CDK14: variants seen among roughly 807,000 people sequenced by gnomAD.
The protein encoded by CDK14 is cyclin dependent kinase 14.
In CDK14, 34 loss-of-function variants were observed where a neutral mutation model predicts 60.7. The observed-to-expected ratio is 0.56, with a 90% CI of 0.43 to 0.75. CDK14 has a LOEUF of 0.75. Ranked by LOEUF, CDK14 falls within the 30% of genes least tolerant of loss-of-function variation. The pLI is 0.00. For synonymous variants in CDK14, 197 were observed against 203.7 expected, an observed-to-expected ratio of 0.97 and a Z score of 0.28; for missense variants, 482 against 564.1, an observed-to-expected ratio of 0.85 and a Z score of 1.47.
chr7:91,078,217 G>A (rs1798379922), intron 11 of CDK14, among the ~76,000 whole-genome samples: 1 of 152,202 alleles, frequency 6.6e-6, no homozygotes, highest in African/African-American at 2.4e-5. Context: ...GTTTGTAAGG[G>A]AAAAGAAATT....
intron 4 of CDK14, among the ~76,000 whole-genome samples, chr7:90,753,414 A>C (rs1047717258): frequency 6.6e-6 from 1 of 152,180 alleles, no homozygotes; most frequent in Admixed American, 6.5e-5. Context: ...GATTTGCAAA[A>C]AGGCTTTGAT....
chr7:90,719,916 G>GT (rs1802384575), intron 2 of CDK14, among the ~76,000 whole-genome samples: 1 of 152,152 alleles, frequency 6.6e-6, no homozygotes, highest in Non-Finnish European at 1.5e-5. Flanking sequence ...ACACGATACT[G>GT]ATAGCATAGC....
intron 5 of CDK14, among the ~76,000 whole-genome samples, chr7:90,832,852 G>A (rs1057382313): frequency 6.6e-6 from 1 of 152,232 alleles, no homozygotes; most frequent in African/African-American, 2.4e-5. Context: ...ACTCAGTGTA[G>A]TGGGTTACAA....
intron 12 of CDK14, among the ~76,000 whole-genome samples, chr7:91,102,382 C>T (rs1334370374): frequency 6.6e-6 from 1 of 152,132 alleles, no homozygotes; most frequent in Non-Finnish European, 1.5e-5. Context: ...TTTTTCTTCC[C>T]ATTTAAGCTT....
chr7:90,993,523 G>A (rs1721754579), intron 10 of CDK14, among the ~76,000 whole-genome samples: 1 of 151,930 alleles, frequency 6.6e-6, no homozygotes. Flanking sequence ...AAAGAAGAAG[G>A]GGAAGGAAGG....
intron 5 of CDK14, among the ~76,000 whole-genome samples, chr7:90,848,224 C>T (rs1340958956): frequency 1.3e-5 from 2 of 152,166 alleles, no homozygotes; most frequent in Non-Finnish European, 2.9e-5. Flanking sequence ...ACCTCAGCCT[C>T]CCAAATAGCT....
intron 5 of CDK14, among the ~76,000 whole-genome samples, chr7:90,827,245 A>G (rs1789757164): frequency 1.3e-5 from 2 of 152,160 alleles, no homozygotes; most frequent in African/African-American, 4.8e-5. Flanking sequence ...AGCAATTTGC[A>G]TTTAAAGTTC....
intron 2 of CDK14, among the ~76,000 whole-genome samples, chr7:90,608,728 G>T (rs1799472643): frequency 6.6e-6 from 1 of 152,104 alleles, no homozygotes; most frequent in Non-Finnish European, 1.5e-5. Context: ...TCTCTGCTTT[G>T]GTGAGTTATT....
chr7:90,848,089 G>C (rs971658789), intron 5 of CDK14, among the ~76,000 whole-genome samples: 1 of 151,966 alleles, frequency 6.6e-6, no homozygotes, highest in Non-Finnish European at 1.5e-5. Context: ...GGTCTGTCAA[G>C]GCATAAGCAT....
At chr7:90,927,798 T>C (rs1306032841) in intron 8 of CDK14, among the ~76,000 whole-genome samples, 3 of 152,200 alleles carry the variant, frequency 2.0e-5, no homozygotes, top group Non-Finnish European at 4.4e-5. Context: ...GTTAATATCC[T>C]GCAGATTGTT....
In CDK14 at chr7:90,703,019, G is replaced by GT. The variant is rs11439141; in HGVS notation, c.124-23538dup. On this transcript the variant is annotated intron_variant, in intron 2 of 14. Coordinates refer to ENST00000380050, the MANE Select transcript of CDK14 (RefSeq NM_001287135.2). ...TGTTTTCTGTTGTTGTTGTTGTTTT[G>GT]TTTTTTTTTTCCTTTTCAGAGTTTA... Among the ~76,000 whole-genome samples the GT allele has an allele frequency of 1.7e-3, 245 of 147,104 alleles. 3 individuals are homozygous for GT. The Middle Eastern group carries it at 0.021, about 12-fold the overall frequency.
chr7:91,174,204 C>T (rs1301143156), intron 14 of CDK14, among the ~76,000 whole-genome samples: 24 of 151,974 alleles, frequency 1.6e-4, no homozygotes, highest in African/African-American at 3.4e-4. Context: ...CACACTGACA[C>T]CTCACACGGC....
At chr7:90,988,428 A>G (rs534413196) in intron 10 of CDK14, among the ~76,000 whole-genome samples, 41 of 152,310 alleles carry the variant, frequency 2.7e-4, no homozygotes, top group African/African-American at 8.2e-4. Flanking sequence ...CTCTGCTCTT[A>G]GGTGGAAAGA....
intron 11 of CDK14, among the ~76,000 whole-genome samples, chr7:91,053,067 A>AGG (rs1797437582): frequency 6.6e-6 from 1 of 152,174 alleles, no homozygotes; most frequent in Non-Finnish European, 1.5e-5. Context: ...CCCAAAACCA[A>AGG]ACAGGTCCAC....
chr7:90,806,011 T>C (rs1379612584), intron 5 of CDK14, among the ~76,000 whole-genome samples: 1 of 152,180 alleles, frequency 6.6e-6, no homozygotes. Context: ...GGCAGTTGAT[T>C]TTTAATAAGT....
At chr7:90,945,263 G>A (rs186977109) in intron 8 of CDK14, among the ~76,000 whole-genome samples, 3 of 152,206 alleles carry the variant, frequency 2.0e-5, no homozygotes, top group Non-Finnish European at 4.4e-5. Flanking sequence ...TAGGCCAACT[G>A]TATGATTAAG....
At chr7:90,710,620 A>G (rs1423563172) in intron 2 of CDK14, 1 of 873,750 alleles carries the variant, frequency 1.1e-6, no homozygotes, top group Non-Finnish European at 1.4e-6. Context: ...TTATGTACAG[A>G]AGTGATAATT....
intron 7 of CDK14, among the ~76,000 whole-genome samples, chr7:90,915,241 C>G (rs1793040176): frequency 6.6e-6 from 1 of 152,144 alleles, no homozygotes; most frequent in Non-Finnish European, 1.5e-5. Context: ...TCAAGACCAT[C>G]CTGGCTAACA....
At position 90,812,995 on chromosome 7, in the gene CDK14, A is replaced by T. The variant is rs544109467; in HGVS notation, c.544+22343A>T. 2.0e-5 allele frequency among the ~76,000 whole-genome samples: 3 copies of T among 152,342 alleles called. No individual in the cohort carries two copies. The South Asian group carries it at 6.2e-4, about 32-fold the overall frequency. On this transcript the variant is annotated intron_variant, in intron 5 of 14. Transcript: ENST00000380050. ...TGTTTCCAGTATTATTATGCAGAAT[A>T]GCCAAAATCTGGAAACAAGTTAAAT...
Sources: gnomAD v4.1 joint callset for allele counts (sites outside exome capture counted in the v4.1 genomes callset) on GRCh38, gnomAD v4.1.1 for gene constraint, MANE v1.5 for transcripts, NCBI Gene and HGNC (gene_info 2026-07-23, HGNC 2026-07-21) for gene names.